Variants in CACNA2D3 observed in about 807,000 individuals in gnomAD.
CACNA2D3 encodes the protein calcium voltage-gated channel auxiliary subunit alpha2delta 3, also known as voltage-dependent calcium channel subunit alpha-2/delta-3.
In CACNA2D3, 60 loss-of-function variants were observed where a neutral mutation model predicts 160.6. The ratio of observed to expected loss-of-function variants is 0.37; its 90% CI spans 0.30 to 0.46. CACNA2D3 has a LOEUF of 0.46. Ranked by LOEUF, CACNA2D3 falls within the 20% of genes least tolerant of loss-of-function variation. The pLI is 1.00. For missense variants in CACNA2D3, 1,205 were observed against 1,365.0 expected (o/e 0.88, Z 1.85); for synonymous variants, 558 against 492.9 (o/e 1.13, Z -1.75).
At chr3:54,756,867 A>G (rs1701980856) in intron 12 of CACNA2D3, among the ~76,000 whole-genome samples, 1 of 152,152 alleles carries the variant, frequency 6.6e-6, no homozygotes, top group Admixed American at 6.5e-5. Flanking sequence ...CCAGTCTACC[A>G]GCAAAATCCA....
chr3:54,599,068 C>T (rs963527761), intron 9 of CACNA2D3, among the ~76,000 whole-genome samples: 1 of 152,132 alleles, frequency 6.6e-6, no homozygotes, highest in African/African-American at 2.4e-5. Context: ...TTTAAAATCG[C>T]GCCCTATTGA....
chr3:54,863,356 C>T (rs1306396478), intron 17 of CACNA2D3, among the ~76,000 whole-genome samples: 1 of 152,136 alleles, frequency 6.6e-6, no homozygotes, highest in Admixed American at 6.5e-5. Context: ...GAGGAGCATT[C>T]TTTTCTCAGC....
In CACNA2D3 at chr3:54,277,424, G is replaced by A. The variant is rs115462337; in HGVS notation, c.205-43018G>A. Among the ~76,000 whole-genome samples the A allele has an allele frequency of 9.9e-3, 1,501 of 152,250 alleles. 32 individuals are homozygous for A. The highest frequency in any genetic ancestry group is 0.035 in the African/African-American group (1,434 of 41,536). ...GCTTGTTTTTGTCAGGTTTATAAAC[G>A]ATTAGATGGTTGTAGATGTGTGGCA... On this transcript the variant is annotated intron_variant, in intron 2 of 37. Coordinates refer to ENST00000474759, the MANE Select transcript of CACNA2D3 (RefSeq NM_018398.3).
chr3:55,046,158 A>T (rs989656184), intron 35 of CACNA2D3, among the ~76,000 whole-genome samples: 5 of 149,622 alleles, frequency 3.3e-5, no homozygotes, highest in Non-Finnish European at 5.9e-5. Flanking sequence ...TGTGCAGGTT[A>T]GTTACATATG....
chr3:54,844,361 A>T (rs1478178664), intron 16 of CACNA2D3, among the ~76,000 whole-genome samples: 1 of 152,178 alleles, frequency 6.6e-6, no homozygotes, highest in Non-Finnish European at 1.5e-5. Flanking sequence ...GGCAGAATGC[A>T]GTGGGTTGAG....
chr3:54,802,949 G>C (rs1420086675), intron 13 of CACNA2D3, among the ~76,000 whole-genome samples: 1 of 152,216 alleles, frequency 6.6e-6, no homozygotes, highest in Non-Finnish European at 1.5e-5. Flanking sequence ...CAGTCAAACA[G>C]GGTCTGAAGT....
At chr3:54,505,229 CAA>C (rs1287416352) in intron 5 of CACNA2D3, among the ~76,000 whole-genome samples, 2 of 152,136 alleles carry the variant, frequency 1.3e-5, no homozygotes, top group African/African-American at 4.8e-5. Flanking sequence ...GCCCCTCCCT[CAA>C]GAGGTTCACA....
intron 9 of CACNA2D3, among the ~76,000 whole-genome samples, chr3:54,622,807 T>G (rs1275277769): frequency 1.3e-5 from 2 of 152,018 alleles, no homozygotes; most frequent in Non-Finnish European, 2.9e-5. Flanking sequence ...TGGTTAGGAT[T>G]GATCATCAGC....
At position 54,843,519 on chromosome 3, in the gene CACNA2D3, A is replaced by G. The variant is rs57508442; in HGVS notation, c.1552-2874A>G. Among the ~76,000 whole-genome samples the G allele has an allele frequency of 5.7e-3, 864 of 152,198 alleles. 13 individuals are homozygous for G. The highest frequency in any genetic ancestry group is 0.02 in the African/African-American group (828 of 41,536). ...GCCTTGAGTGGCAGTGAGTGGAGGG[A>G]GGCAGGGTTGGGTACTCAGGCAGGG... On this transcript the variant is annotated intron_variant, in intron 16 of 37. Coordinates refer to ENST00000474759, the MANE Select transcript of CACNA2D3 (RefSeq NM_018398.3).
At chr3:54,803,552 ATG>A (rs754036406) in intron 13 of CACNA2D3, among the ~76,000 whole-genome samples, 1 of 152,222 alleles carries the variant, frequency 6.6e-6, no homozygotes, top group Non-Finnish European at 1.5e-5. Flanking sequence ...ATATGGGACT[ATG>A]TGAAAAAAAC....
intron 11 of CACNA2D3, among the ~76,000 whole-genome samples, chr3:54,664,014 C>T (rs773967486): frequency 6.6e-6 from 1 of 152,190 alleles, no homozygotes; most frequent in Non-Finnish European, 1.5e-5. Flanking sequence ...AGGCCCAGTT[C>T]TCACCAGAGT....
At chr3:54,444,067 A>G (rs1700184317) in intron 4 of CACNA2D3, among the ~76,000 whole-genome samples, 1 of 152,152 alleles carries the variant, frequency 6.6e-6, no homozygotes, top group African/African-American at 2.4e-5. Flanking sequence ...CATTTTGTTT[A>G]TCAAAGGCAA....
At chr3:54,868,168 C>T (rs1294945956) in intron 17 of CACNA2D3, among the ~76,000 whole-genome samples, 1 of 152,178 alleles carries the variant, frequency 6.6e-6, no homozygotes, top group Non-Finnish European at 1.5e-5. Flanking sequence ...TATATCTATG[C>T]AACAGCCCAC....
rs181562219 is a variant in CACNA2D3, at chr3:54,885,413, T to A, written c.1959-76T>A. 352 of 1,601,946 alleles carry A rather than the reference T, an allele frequency of 2.2e-4. No individual in the cohort carries two copies. In the African/African-American group the frequency reaches 3.9e-3, roughly 18 times the overall value. ...TGGTTTGTGCTCCCTTGCCCAGTTT[T>A]CCTGATTCCAAGGCAAAGGAAGCAG... On this transcript the variant is annotated intron_variant, in intron 22 of 37. Coordinates refer to ENST00000474759, the MANE Select transcript of CACNA2D3 (RefSeq NM_018398.3).
chr3:54,189,810 G>A (rs1175355069), intron 2 of CACNA2D3, among the ~76,000 whole-genome samples: 1 of 152,140 alleles, frequency 6.6e-6, no homozygotes, highest in Non-Finnish European at 1.5e-5. Context: ...CAAACGTGTT[G>A]TGCCTTCACC....
intron 4 of CACNA2D3, among the ~76,000 whole-genome samples, chr3:54,498,298 T>C (rs1422096904): frequency 6.6e-6 from 1 of 151,950 alleles, no homozygotes; most frequent in African/African-American, 2.4e-5. Flanking sequence ...GTATTTCTTC[T>C]TGTGTCCATT....
chr3:54,799,775 G>A (rs1702943581), intron 13 of CACNA2D3, among the ~76,000 whole-genome samples: 1 of 152,070 alleles, frequency 6.6e-6, no homozygotes, highest in Admixed American at 6.6e-5. Context: ...TCTATAACCT[G>A]CCAAACAGGC....
chr3:54,512,056 C>T (rs1021423915), intron 5 of CACNA2D3, among the ~76,000 whole-genome samples: 6 of 152,150 alleles, frequency 3.9e-5, no homozygotes, highest in Non-Finnish European at 5.9e-5. Flanking sequence ...CACAGGTCCC[C>T]CTGTTTGAGA....
At chr3:54,688,323 C>T (rs1700508056) in intron 11 of CACNA2D3, among the ~76,000 whole-genome samples, 1 of 152,068 alleles carries the variant, frequency 6.6e-6, no homozygotes, top group East Asian at 1.9e-4. Context: ...AATTTATTTC[C>T]TTCTTTTTTT....
Sources: allele counts gnomAD v4.1 joint callset (sites outside exome capture counted in the v4.1 genomes callset), GRCh38; gene constraint gnomAD v4.1.1; transcripts MANE v1.5; gene names NCBI Gene and HGNC (gene_info 2026-07-23, HGNC 2026-07-21).